The following RBMS3 variants were observed in gnomAD, a reference collection of about 807,000 sequenced individuals.
The protein encoded by RBMS3 is RNA binding motif single stranded interacting protein 3, also known as RNA-binding motif, single-stranded-interacting protein 3.
RBMS3 carries 27 observed loss-of-function variants against 66.8 expected under a neutral mutation model. The ratio of observed to expected loss-of-function variants is 0.40; its 90% confidence interval spans 0.30 to 0.56. The LOEUF is 0.56. Ranked by LOEUF, RBMS3 falls within the 20% of genes least tolerant of loss-of-function variation. The pLI, the probability that RBMS3 is intolerant of heterozygous loss-of-function variation, is 0.40. For synonymous variants in RBMS3, 188 were observed against 183.0 expected (o/e 1.03, Z -0.22); for missense variants, 513 against 549.5 (o/e 0.93, Z 0.66).
intron 6 of RBMS3, among the ~76,000 whole-genome samples, chr3:29,784,062 A>T (rs1429005285): frequency 1.3e-5 from 2 of 152,176 alleles, no homozygotes; most frequent in Admixed American, 1.3e-4. Flanking sequence ...TTACTACTAG[A>T]TCTAAGACAT....
intron 1 of RBMS3, among the ~76,000 whole-genome samples, chr3:29,377,274 C>G (rs1014055512): frequency 2.0e-5 from 3 of 152,108 alleles, no homozygotes; most frequent in East Asian, 1.9e-4. Flanking sequence ...CAGGGAACCA[C>G]TGGTTGTCAG....
At chr3:29,813,730 C>G (rs899945564) in intron 6 of RBMS3, among the ~76,000 whole-genome samples, 47 of 152,090 alleles carry the variant, frequency 3.1e-4, no homozygotes, top group African/African-American at 1.1e-3. Flanking sequence ...GTATTTTACT[C>G]TCTTTGAAGC....
Position 29,761,961 on chromosome 3 carries a change from T to C in RBMS3, c.558-949T>C, listed in dbSNP as rs145012364. Among the ~76,000 whole-genome samples the C allele has an allele frequency of 2.6e-5, 4 of 152,272 alleles. No homozygotes were observed. In the East Asian group the frequency reaches 7.8e-4, roughly 30 times the overall value. On this transcript the variant is annotated intron_variant, in intron 5 of 14. Coordinates refer to ENST00000383767, the MANE Select transcript of RBMS3 (RefSeq NM_001003793.3). ...ATTTTCTTTTATCAGAATTAATCCT[T>C]AATTATTATCCTCCCCATCCAATTT...
At chr3:29,613,343 C>A (rs565258893) in intron 4 of RBMS3, among the ~76,000 whole-genome samples, 70 of 152,120 alleles carry the variant, frequency 4.6e-4, no homozygotes, top group Middle Eastern at 3.4e-3. Flanking sequence ...TCCTCTCCAA[C>A]ACTTGTTATC....
chr3:29,649,026 T>G (rs1297468821), intron 4 of RBMS3, among the ~76,000 whole-genome samples: 1 of 152,220 alleles, frequency 6.6e-6, no homozygotes, highest in East Asian at 1.9e-4. Context: ...ATGGTAACTT[T>G]GTCCTCATTC....
intron 1 of RBMS3, among the ~76,000 whole-genome samples, chr3:29,428,635 C>T (rs2125713569): frequency 6.7e-6 from 1 of 150,318 alleles, no homozygotes; most frequent in African/African-American, 2.4e-5. Flanking sequence ...ACCCAAACCA[C>T]AGATTTTACA....
intron 6 of RBMS3, among the ~76,000 whole-genome samples, chr3:29,781,823 C>T (rs9310913): frequency 0.7 from 105,346 of 151,422 alleles, 36,823 homozygotes; most frequent in East Asian, 0.79. Context: ...CCTTTAGTAC[C>T]GTGGGCTGTG....
At chr3:29,765,542 C>T (rs966133503) in intron 6 of RBMS3, among the ~76,000 whole-genome samples, 14 of 151,888 alleles carry the variant, frequency 9.2e-5, no homozygotes, top group Non-Finnish European at 1.8e-4. Flanking sequence ...TCTGCCTTAT[C>T]AAGATTTGAC....
chr3:29,816,435 G>A (rs1290481295), intron 6 of RBMS3, among the ~76,000 whole-genome samples: 1 of 152,010 alleles, frequency 6.6e-6, no homozygotes, highest in Non-Finnish European at 1.5e-5. Flanking sequence ...ATGCCCAAGA[G>A]AAACACAACA....
At chr3:29,819,751 T>C (rs924658844) in intron 6 of RBMS3, among the ~76,000 whole-genome samples, 35 of 152,188 alleles carry the variant, frequency 2.3e-4, no homozygotes, top group Non-Finnish European at 4.1e-4. Context: ...AGGGTACTTA[T>C]CAGATTTTCT....
At chr3:29,450,927 ACACACC>A (rs749996196) in intron 2 of RBMS3, among the ~76,000 whole-genome samples, 163 of 97,664 alleles carry the variant, frequency 1.7e-3, no homozygotes, top group African/African-American at 2.8e-3. Context: ...ACACACACAC[ACACACC>A]CCCCACACAC....
intron 2 of RBMS3, among the ~76,000 whole-genome samples, chr3:29,437,749 T>A (rs925405620): frequency 2.6e-5 from 4 of 152,242 alleles, no homozygotes; most frequent in African/African-American, 9.6e-5. Flanking sequence ...TAATGACTTT[T>A]TGCCTCTTAA....
At chr3:29,353,033 A>G (rs2037012791) in intron 1 of RBMS3, among the ~76,000 whole-genome samples, 1 of 151,876 alleles carries the variant, frequency 6.6e-6, no homozygotes, top group Admixed American at 6.6e-5. Context: ...ATACGTTTAA[A>G]TGGCAATTTT....
chr3:29,605,904 CT>C (rs2048305508), intron 4 of RBMS3, among the ~76,000 whole-genome samples: 1 of 150,830 alleles, frequency 6.6e-6, no homozygotes, highest in Admixed American at 6.6e-5. Context: ...GCAGTTTGAC[CT>C]TAGTATGTGG....
chr3:29,363,110 G>C (rs572089239), intron 1 of RBMS3, among the ~76,000 whole-genome samples: 1 of 152,180 alleles, frequency 6.6e-6, no homozygotes, highest in East Asian at 1.9e-4. Context: ...TCACCTCAAG[G>C]CCTTTTTAGT....
rs151146758 is a variant in RBMS3 at position 29,905,527 on chromosome 3, T to C, written c.939+5772T>C. 5.3e-5 allele frequency among the ~76,000 whole-genome samples: 8 copies of C among 152,228 alleles called. No individual in the cohort carries two copies. The East Asian group carries it at 1.6e-3, about 30-fold the overall frequency. On this transcript the variant is annotated intron_variant, in intron 10 of 14. Coordinates refer to ENST00000383767, the MANE Select transcript of RBMS3 (RefSeq NM_001003793.3). ...ATTTCGTCCTCTGGCATAAATTTTA[T>C]GCCAATATTTATCACATAATAAAAT...
At position 29,466,246 on chromosome 3, in the gene RBMS3, C is replaced by T. The variant is rs531553755; in HGVS notation, c.249-22195C>T. On this transcript the variant is annotated intron_variant, in intron 2 of 14. Coordinates refer to ENST00000383767, the MANE Select transcript of RBMS3 (RefSeq NM_001003793.3). ...AAGCAGGAGACACACACTATTGCAA[C>T]GGCAGCTGAATTATGACAACTGACA... is the stretch of plus-strand genomic sequence containing the variant. 9.2e-5 allele frequency among the ~76,000 whole-genome samples: 14 copies of T among 152,020 alleles called. No homozygotes were observed. The East Asian group carries it at 9.8e-4, about 11-fold the overall frequency.
intron 10 of RBMS3, among the ~76,000 whole-genome samples, chr3:29,919,032 T>C (rs917239342): frequency 1.3e-5 from 2 of 152,136 alleles, no homozygotes; most frequent in African/African-American, 4.8e-5. Flanking sequence ...ATTTTTAAAA[T>C]GAGAAAACAA....
intron 1 of RBMS3, among the ~76,000 whole-genome samples, chr3:29,426,236 C>G (rs1331249035): frequency 6.6e-6 from 1 of 152,106 alleles, no homozygotes; most frequent in African/African-American, 2.4e-5. Flanking sequence ...AAGAATTGGG[C>G]AAAGACCAGA....
Sources: allele counts gnomAD v4.1 joint callset (sites outside exome capture counted in the v4.1 genomes callset), GRCh38; gene constraint gnomAD v4.1.1; transcripts MANE v1.5; gene names NCBI Gene and HGNC (gene_info 2026-07-23, HGNC 2026-07-21).